The following NRXN1 variants were observed in gnomAD, a reference collection of about 807,000 sequenced individuals.
NRXN1 encodes the protein neurexin 1.
A neutral mutation model predicts 150.9 loss-of-function variants in NRXN1; 39 were observed. The ratio of observed to expected loss-of-function variants is 0.26; its 90% CI spans 0.20 to 0.34. NRXN1 has a LOEUF of 0.34. Ranked by LOEUF, NRXN1 falls within the 10% of genes least tolerant of loss-of-function variation. The pLI is 1.00. For synonymous variants in NRXN1, 924 were observed against 757.0 expected (o/e 1.22, Z -3.62); for missense variants, 1,815 against 1,949.9 (o/e 0.93, Z 1.30).
chr2:50,627,112 G>A (rs75157567), intron 5 of NRXN1, among the ~76,000 whole-genome samples: 2,840 of 151,838 alleles, frequency 0.019, 99 homozygotes, highest in African/African-American at 0.065. Flanking sequence ...CAAGGCTACC[G>A]AAAGTCATTC....
intron 17 of NRXN1, among the ~76,000 whole-genome samples, chr2:50,404,260 C>T (rs2082598059): frequency 6.6e-6 from 1 of 151,916 alleles, no homozygotes; most frequent in African/African-American, 2.4e-5. Flanking sequence ...AGTGCTTCAC[C>T]CAGGATAGTT....
chr2:49,942,448 A>AATG lies in NRXN1; in HGVS notation c.4216+1253_4216+1255dup, dbSNP rs376061866. On this transcript the variant is annotated intron_variant, in intron 22 of 22. Transcript: ENST00000401669. Reference sequence around the variant, plus strand: ...GCTCTAAAGAGCGGATTTACTCTAAAATGGTATTCTTCACAAGAATGCAAA... The same window carrying AATG: ...GCTCTAAAGAGCGGATTTACTCTAAAATGATGGTATTCTTCACAAGAATGCAAA... Among the ~76,000 whole-genome samples the AATG allele has an allele frequency of 8.0e-3, 1,221 of 152,240 alleles. 13 individuals carry two copies. Among genetic ancestry groups the AATG allele is most frequent in the African/African-American group, 0.028 (1,147 of 41,518 alleles).
At chr2:50,988,137 A>T (rs1210480751) in intron 2 of NRXN1, among the ~76,000 whole-genome samples, 2 of 151,972 alleles carry the variant, frequency 1.3e-5, no homozygotes, top group African/African-American at 4.8e-5. Context: ...GATAACTCCA[A>T]TGTTCAGCTG....
chr2:50,715,070 C>G (rs1695694384), intron 5 of NRXN1, among the ~76,000 whole-genome samples: 1 of 151,958 alleles, frequency 6.6e-6, no homozygotes, highest in South Asian at 2.1e-4. Context: ...CATGAATAAG[C>G]CATTATTCTA....
intron 17 of NRXN1, among the ~76,000 whole-genome samples, chr2:50,438,213 C>T (rs2104428124): frequency 6.6e-6 from 1 of 152,280 alleles, no homozygotes; most frequent in Non-Finnish European, 1.5e-5. Flanking sequence ...AACTCTTCTC[C>T]AGGCATGGTT....
In NRXN1 at chr2:50,029,174, A is replaced by C. The variant is rs540575899; in HGVS notation, c.4128+24097T>G. On this transcript the variant is annotated intron_variant, in intron 21 of 22. Coordinates refer to ENST00000401669, the MANE Select transcript of NRXN1 (RefSeq NM_001330078.2). ...CTTTTCACCATGTGAGAGACAACAC[A>C]GCTAAAAGACAGCTATCTGTGAAGC... Among the ~76,000 whole-genome samples the C allele has an allele frequency of 1.6e-4, 25 of 152,326 alleles. No individual in the cohort carries two copies. In the South Asian group the frequency reaches 5.2e-3, roughly 32 times the overall value.
chr2:50,268,497 C>G (rs868029131), intron 17 of NRXN1, among the ~76,000 whole-genome samples: 6 of 152,210 alleles, frequency 3.9e-5, no homozygotes, highest in South Asian at 2.1e-4. Flanking sequence ...TACAAAGTAG[C>G]TGGGGAGTTC....
chr2:50,481,218 T>C (rs1258545814), intron 15 of NRXN1, among the ~76,000 whole-genome samples: 1 of 152,214 alleles, frequency 6.6e-6, no homozygotes, highest in Non-Finnish European at 1.5e-5. Flanking sequence ...GTGGCCAATA[T>C]GTACAGCTTC....
intron 18 of NRXN1, among the ~76,000 whole-genome samples, chr2:50,153,666 T>A (rs548094439): frequency 6.6e-6 from 1 of 151,806 alleles, no homozygotes; most frequent in East Asian, 1.9e-4. Context: ...TGCTTTTGAA[T>A]GTCTAAATCT....
chr2:49,963,603 T>G (rs1676390798), intron 21 of NRXN1, among the ~76,000 whole-genome samples: 1 of 152,090 alleles, frequency 6.6e-6, no homozygotes, highest in Non-Finnish European at 1.5e-5. Flanking sequence ...GAAAGGGGCT[T>G]AAAAGAAGCA....
In NRXN1 at chr2:50,346,622, G is replaced by A. The variant is rs2077994967; in HGVS notation, c.3365-109652C>T. 1 of 1,537,464 alleles carries A rather than the reference G, an allele frequency of 6.5e-7. No homozygotes were observed. The highest frequency in any genetic ancestry group is 1.1e-5 in the South Asian group (1 of 89,370). ...CATTTCTCTGAGCCTTAGGAGCCCAGGAGCGAGTGCAGGGTAGAAAGAGGG... is the reference window on the plus strand; with the variant it reads ...CATTTCTCTGAGCCTTAGGAGCCCAAGAGCGAGTGCAGGGTAGAAAGAGGG... On this transcript the variant is annotated intron_variant, in intron 17 of 22. Transcript: ENST00000401669. The surrounding 1 kb of genome is among the most constrained non-coding windows in gnomAD (Gnocchi z 5.0).
chr2:50,148,661 C>T (rs2058512375), intron 18 of NRXN1, among the ~76,000 whole-genome samples: 2 of 151,626 alleles, frequency 1.3e-5, no homozygotes, highest in Non-Finnish European at 3.0e-5. Flanking sequence ...ACTGACTGAC[C>T]CATGATTCAG....
At chr2:50,594,290 C>T (rs570785643) in intron 8 of NRXN1, among the ~76,000 whole-genome samples, 33 of 152,282 alleles carry the variant, frequency 2.2e-4, no homozygotes, top group African/African-American at 7.5e-4. Flanking sequence ...CTCGCATTTC[C>T]TTGGTTTTGT....
At chr2:50,814,274 G>A (rs1359497102) in intron 5 of NRXN1, among the ~76,000 whole-genome samples, 3 of 152,064 alleles carry the variant, frequency 2.0e-5, no homozygotes, top group Non-Finnish European at 4.4e-5. Context: ...TGGGATTACA[G>A]ATGTGAGCTG....
At chr2:50,566,409 A>ATTTT (rs35437819) in intron 8 of NRXN1, among the ~76,000 whole-genome samples, 7,535 of 129,864 alleles carry the variant, frequency 0.058, 347 homozygotes, top group African/African-American at 0.11. Flanking sequence ...ACGCCCAGCT[A>ATTTT]TTTTTTTTTT....
intron 17 of NRXN1, among the ~76,000 whole-genome samples, chr2:50,307,081 T>C (rs190341526): frequency 9.2e-5 from 14 of 152,018 alleles, no homozygotes; most frequent in Non-Finnish European, 1.9e-4. Context: ...GCCTCCCGGG[T>C]TCAAGCAATT....
intron 6 of NRXN1, among the ~76,000 whole-genome samples, chr2:50,623,096 T>G (rs1680332476): frequency 6.6e-6 from 1 of 152,094 alleles, no homozygotes; most frequent in Non-Finnish European, 1.5e-5. Context: ...TTGGAAATTT[T>G]CATATGGCCC....
At chr2:50,816,499 G>C (rs1668960660) in intron 5 of NRXN1, among the ~76,000 whole-genome samples, 1 of 151,976 alleles carries the variant, frequency 6.6e-6, no homozygotes, top group South Asian at 2.1e-4. Context: ...AACAGAAGGA[G>C]GAAAAAACAA....
intron 17 of NRXN1, among the ~76,000 whole-genome samples, chr2:50,403,044 T>A (rs2082502744): frequency 6.6e-6 from 1 of 152,072 alleles, no homozygotes; most frequent in African/African-American, 2.4e-5. Flanking sequence ...TCCCTTATAA[T>A]CATCAAAAGG....
Sources: allele counts gnomAD v4.1 joint callset (sites outside exome capture counted in the v4.1 genomes callset), GRCh38; gene constraint gnomAD v4.1.1; non-coding constraint Gnocchi (gnomAD v3.1); transcripts MANE v1.5; gene names NCBI Gene and HGNC (gene_info 2026-07-23, HGNC 2026-07-21).